KIR2DL4: variants seen among roughly 807,000 people sequenced by gnomAD.
KIR2DL4 encodes killer cell immunoglobulin-like receptor 2DL4.
Under a neutral mutation model 31.0 loss-of-function variants are expected in KIR2DL4, and 41 were observed. The observed-to-expected ratio is 1.32, with a 90% CI of 1.03 to 1.72. KIR2DL4 has a LOEUF of 1.72. KIR2DL4 is among the 40% of genes most tolerant of loss of function. KIR2DL4 has a pLI of 0.00. For missense variants in KIR2DL4, 438 were observed against 353.7 expected (o/e 1.24, Z -1.91); for synonymous variants, 164 against 133.6 (o/e 1.23, Z -1.57).
At chr19:54,805,570 C>A (rs2075767) in intron 3 of KIR2DL4, among the ~76,000 whole-genome samples, 29,169 of 151,028 alleles carry the variant, frequency 0.19, 3,438 homozygotes, top group East Asian at 0.47. Flanking sequence ...CTGCAGATGC[C>A]TTGATTGTAG....
intron 5 of KIR2DL4, among the ~76,000 whole-genome samples, chr19:54,811,851 G>A (rs972072090): frequency 6.6e-6 from 1 of 151,128 alleles, no homozygotes; most frequent in Non-Finnish European, 1.5e-5. Context: ...GGAGGGGGTG[G>A]TCTTTCCCCC....
intron 3 of KIR2DL4, among the ~76,000 whole-genome samples, chr19:54,805,327 TTGA>T: frequency 6.6e-6 from 1 of 151,390 alleles, no homozygotes; most frequent in East Asian, 1.9e-4. Context: ...GCTCAGGTTG[TTGA>T]TGAGTTGACC....
At chr19:54,813,010 G>T in intron 5 of KIR2DL4, 1 of 709,024 alleles carries the variant, frequency 1.4e-6, no homozygotes. Context: ...CGCCTCGTGG[G>T]TGCTTGTCTT....
exon 6 of KIR2DL4, chr19:54,813,212 G>T (rs1387877359): frequency 2.0e-6 from 3 of 1,524,836 alleles, no homozygotes; most frequent in Non-Finnish European, 2.6e-6. Context: ...CTTCATCGCT[G>T]GTGCTCCAAA....
At chr19:54,803,834 G>T in intron 1 of KIR2DL4, 57 bp from the exon 2 acceptor site, 1 of 1,578,714 alleles carries the variant, frequency 6.3e-7, no homozygotes, top group Non-Finnish European at 8.7e-7. Flanking sequence ...CAGTGGCTCA[G>T]GAGGAAAGGG....
At chr19:54,808,544 T>A (rs2060663945) in intron 4 of KIR2DL4, among the ~76,000 whole-genome samples, 1 of 149,692 alleles carries the variant, frequency 6.7e-6, no homozygotes, top group South Asian at 2.1e-4. Flanking sequence ...TTCATTCTGC[T>A]CCATTGTTTT....
chr19:54,804,821 C>G (rs1434991899), exon 3 of KIR2DL4: 24 of 1,612,208 alleles, frequency 1.5e-5, no homozygotes, highest in African/African-American at 2.7e-5. Context: ...TCTGCTCTGC[C>G]TGGCCCAGCG....
chr19:54,805,902 C>G lies in KIR2DL4; in HGVS notation c.362-49C>G, dbSNP rs771473717. ...GTTCTCAGCTCAGGTGGGAGGGGAGCTGTGACAAGGAAGAACCTCCCTGAG... is the reference window on the plus strand; with the variant it reads ...GTTCTCAGCTCAGGTGGGAGGGGAGGTGTGACAAGGAAGAACCTCCCTGAG... On this transcript the variant is annotated intron_variant, in intron 3 of 7. Coordinates refer to ENST00000359085, the Ensembl canonical transcript of KIR2DL4. 3.3e-6 allele frequency: 5 copies of G among 1,508,446 alleles called. No individual in the cohort carries two copies. In the Admixed American group the frequency reaches 7.7e-5, roughly 23 times the overall value. The allele number at this position is 1,508,446 out of a possible 1,614,324, so 93.4% of individuals were successfully genotyped here. A position where few individuals can be genotyped will look rare whatever the true frequency, so the allele number is the denominator to read the frequency against.
exon 3 of KIR2DL4, chr19:54,804,998 C>A (rs2060420889): frequency 6.2e-7 from 1 of 1,611,898 alleles, no homozygotes; most frequent in Non-Finnish European, 8.5e-7. Context: ...ACGCAGGGAC[C>A]TACAGATGTC....
intron 5 of KIR2DL4, among the ~76,000 whole-genome samples, chr19:54,810,649 G>A (rs1404920441): frequency 6.6e-6 from 1 of 151,380 alleles, no homozygotes; most frequent in African/African-American, 2.4e-5. Context: ...GGAATGACAT[G>A]GGGAGAATGA....
intron 3 of KIR2DL4, 39 bp downstream of exon 3, chr19:54,805,116 T>A: frequency 6.5e-7 from 1 of 1,545,760 alleles, no homozygotes; most frequent in African/African-American, 1.4e-5. Context: ...TTGTCCCACC[T>A]CCTGAGTCCC....
rs989403226 is a variant in KIR2DL4, at chr19:54,805,998, C to T, written c.409C>T (p.Arg137Cys). The T allele has an allele frequency of 1.6e-4, 252 of 1,609,816 alleles. 3 individuals carry two copies. Among genetic ancestry groups the T allele is most frequent in the Non-Finnish European group, 2.0e-4 (236 of 1,179,026 alleles). Residue 137 changes from arginine to cysteine, a missense_variant, in exon 4 of 8, where the codon CGC (arginine) becomes TGC (cysteine). Coordinates refer to ENST00000359085, the Ensembl canonical transcript of KIR2DL4. The stretch of plus-strand genomic sequence containing the variant: ...TACAGCCCGGCCGGGCCCCACGGTT[C>T]GCGCAGGAGAGAACGTGACCTTGTC...
chr19:54,813,260 C>T (rs2060983164), intron 6 of KIR2DL4: 1 of 1,598,222 alleles, frequency 6.3e-7, no homozygotes, highest in African/African-American at 1.4e-5. Context: ...CCAGAGAACT[C>T]AGGGCCCTGT....
intron 4 of KIR2DL4, among the ~76,000 whole-genome samples, chr19:54,806,463 A>T (rs1464441264): frequency 6.6e-6 from 1 of 151,152 alleles, no homozygotes; most frequent in South Asian, 2.1e-4. Flanking sequence ...ACCCAGGCAG[A>T]TGGAGAAAGT....
At position 54,813,812 on chromosome 19, in the gene KIR2DL4, C is replaced by T. The variant is rs751213391; in HGVS notation, c.*42-30C>T. ...AATAGTCCTGAAAAATGTGAACACC[C>T]TCCCTCACTCAGGATTTCCCTCTCT... On this transcript the variant is annotated intron_variant, in intron 7 of 7. Transcript: ENST00000359085. 3,589 of 1,612,110 alleles carry T rather than the reference C, an allele frequency of 2.2e-3. 104 individuals carry two copies. The highest frequency in any genetic ancestry group is 4.6e-3 in the South Asian group (415 of 90,636).
exon 3 of KIR2DL4, chr19:54,804,872 C>T (rs1354675865): frequency 4.3e-6 from 7 of 1,612,240 alleles, no homozygotes; most frequent in Non-Finnish European, 5.9e-6. Context: ...TTCGGTGTCA[C>T]TATCGTCGTG....
intron 5 of KIR2DL4, among the ~76,000 whole-genome samples, chr19:54,810,387 A>T (rs1384742425): frequency 6.6e-6 from 1 of 151,198 alleles, no homozygotes; most frequent in African/African-American, 2.4e-5. Flanking sequence ...TCAGCCTCCC[A>T]AAGTGCTGAG....
chr19:54,806,223 C>T, exon 4 of KIR2DL4: 6 of 1,610,382 alleles, frequency 3.7e-6, no homozygotes, highest in Non-Finnish European at 5.1e-6. Context: ...CCCGAGTGAC[C>T]CACTGCCTGT....
At chr19:54,807,612 A>T (rs2060605139) in intron 4 of KIR2DL4, among the ~76,000 whole-genome samples, 1 of 148,724 alleles carries the variant, frequency 6.7e-6, no homozygotes, top group African/African-American at 2.5e-5. Flanking sequence ...TGATTTTTGT[A>T]TTTTTAGTAG....
Sources: gnomAD v4.1 joint callset for allele counts (sites outside exome capture counted in the v4.1 genomes callset) on GRCh38, gnomAD v4.1.1 for gene constraint, MANE v1.5 for transcripts, NCBI Gene and HGNC (gene_info 2026-07-23, HGNC 2026-07-21) for gene names.